Variants in NRG1 observed in about 807,000 individuals in gnomAD.
NRG1 encodes the protein pro-neuregulin-1, membrane-bound isoform.
A neutral mutation model predicts 63.8 loss-of-function variants in NRG1; 18 were observed. The observed-to-expected ratio is 0.28, with a 90% CI of 0.19 to 0.42. The LOEUF (loss-of-function observed/expected upper bound fraction) is 0.42. NRG1 is among the 10% of genes least tolerant of loss of function. The pLI, the probability that NRG1 is intolerant of heterozygous loss-of-function variation, is 1.00. For missense variants in NRG1, 762 were observed against 814.7 expected, an observed-to-expected ratio of 0.94 and a Z score of 0.79; for synonymous variants, 302 against 301.3, an observed-to-expected ratio of 1.00 and a Z score of -0.02.
chr8:31,841,612 T>C (rs1416654762), intron 1 of NRG1, among the ~76,000 whole-genome samples: 1 of 152,138 alleles, frequency 6.6e-6, no homozygotes, highest in Non-Finnish European at 1.5e-5. Context: ...CTATTATATA[T>C]GGCAATTTAT....
chr8:31,746,415 T>G (rs1396875182), intron 1 of NRG1, among the ~76,000 whole-genome samples: 1 of 152,050 alleles, frequency 6.6e-6, no homozygotes, highest in Non-Finnish European at 1.5e-5. Context: ...TTTTCATCAC[T>G]TCACACTTTT....
chr8:32,039,247 C>T (rs1404831752), intron 1 of NRG1, among the ~76,000 whole-genome samples: 1 of 152,190 alleles, frequency 6.6e-6, no homozygotes, highest in African/African-American at 2.4e-5. Flanking sequence ...TATTTGTTGA[C>T]ATATAGTATT....
upstream of NRG1, among the ~76,000 whole-genome samples, chr8:32,544,875 T>C (rs1205453977): frequency 2.0e-5 from 3 of 151,964 alleles, no homozygotes; most frequent in Admixed American, 2.0e-4. Flanking sequence ...TCATATACAT[T>C]TAGTGGTTGT....
intron 1 of NRG1, among the ~76,000 whole-genome samples, chr8:31,774,024 A>G (rs1818877820): frequency 6.6e-6 from 1 of 152,056 alleles, no homozygotes; most frequent in Non-Finnish European, 1.5e-5. Flanking sequence ...TAAAAAAAAA[A>G]AGAAAAAGAA....
intron 1 of NRG1, among the ~76,000 whole-genome samples, chr8:32,470,129 T>G (rs1311408904): frequency 6.8e-6 from 1 of 146,730 alleles, no homozygotes; most frequent in African/African-American, 2.5e-5. Context: ...CGCCTCGGCC[T>G]CCCGAAGTGC....
chr8:32,474,714 C>T (rs531981825), intron 1 of NRG1, among the ~76,000 whole-genome samples: 1 of 151,842 alleles, frequency 6.6e-6, no homozygotes, highest in Admixed American at 6.6e-5. Context: ...CCATGTTGGC[C>T]GGGATGGTCT....
chr8:32,157,780 T>C (rs1216187572), intron 1 of NRG1, among the ~76,000 whole-genome samples: 1 of 151,872 alleles, frequency 6.6e-6, no homozygotes, highest in Non-Finnish European at 1.5e-5. Flanking sequence ...GACAAACTTA[T>C]AATTGCTATA....
chr8:32,309,170 C>A (rs563071427), intron 1 of NRG1, among the ~76,000 whole-genome samples: 77 of 152,204 alleles, frequency 5.1e-4, no homozygotes, highest in South Asian at 4.1e-3. Context: ...TGTAGCACAC[C>A]ATAAAGATTC....
chr8:32,002,344 A>T (rs1813071119), intron 1 of NRG1, among the ~76,000 whole-genome samples: 3 of 151,982 alleles, frequency 2.0e-5, no homozygotes, highest in Admixed American at 1.3e-4. Flanking sequence ...TGTATGGCAG[A>T]TCTATTTCTT....
intron 1 of NRG1, among the ~76,000 whole-genome samples, chr8:32,403,038 C>A (rs1813425685): frequency 6.6e-6 from 1 of 151,990 alleles, no homozygotes; most frequent in Admixed American, 6.5e-5. Flanking sequence ...GTGGCTCACA[C>A]CTGTAATCCC....
rs540137459 is a variant in NRG1, at chr8:31,904,677, C to T, written c.37+265246C>T. ...TAAAGGAAATGCGGTACATATACAT[C>T]ATCAAATACTATGCAGTCATTAAAA... is the stretch of plus-strand genomic sequence containing the variant. On this transcript the variant is annotated intron_variant, in intron 1 of 10. Coordinates refer to the NRG1 transcript ENST00000519301. Among the ~76,000 whole-genome samples the T allele has an allele frequency of 2.6e-5, 4 of 152,274 alleles. No homozygotes were observed. The South Asian group carries it at 8.3e-4, about 32-fold the overall frequency.
At chr8:32,352,160 C>T (rs1270291158) in intron 1 of NRG1, among the ~76,000 whole-genome samples, 2 of 143,310 alleles carry the variant, frequency 1.4e-5, no homozygotes, top group South Asian at 2.2e-4. Flanking sequence ...TGCGGGATTA[C>T]GACAGTGAAC....
At chr8:32,068,827 T>G (rs1825298464) in intron 1 of NRG1, among the ~76,000 whole-genome samples, 1 of 152,214 alleles carries the variant, frequency 6.6e-6, no homozygotes, top group Non-Finnish European at 1.5e-5. Flanking sequence ...GCTACGTAAC[T>G]AAGTCTTAGT....
At chr8:32,437,225 G>A (rs546933980) in intron 1 of NRG1, among the ~76,000 whole-genome samples, 62 of 152,102 alleles carry the variant, frequency 4.1e-4, no homozygotes, top group Admixed American at 1.8e-3. Flanking sequence ...AGGTAGTCTT[G>A]AAAAACCCTC....
chr8:32,367,518 T>C (rs1808233467), intron 1 of NRG1, among the ~76,000 whole-genome samples: 1 of 152,168 alleles, frequency 6.6e-6, no homozygotes, highest in Non-Finnish European at 1.5e-5. Flanking sequence ...TTTGTTTTTT[T>C]GTTTTCGTTT....
At chr8:32,599,915 T>C (rs1844023110) in intron 2 of NRG1, among the ~76,000 whole-genome samples, 1 of 152,218 alleles carries the variant, frequency 6.6e-6, no homozygotes. Flanking sequence ...AATTATTTCC[T>C]CTATTTTTAC....
At chr8:32,027,644 G>A (rs1303527656) in intron 1 of NRG1, among the ~76,000 whole-genome samples, 2 of 151,994 alleles carry the variant, frequency 1.3e-5, no homozygotes, top group Non-Finnish European at 2.9e-5. Context: ...TATACAGTCT[G>A]AGAACTGAAT....
intron 5 of NRG1, among the ~76,000 whole-genome samples, chr8:32,701,232 TAATGATTCA>T (rs1814791704): frequency 6.6e-6 from 1 of 152,248 alleles, no homozygotes; most frequent in South Asian, 2.1e-4. Flanking sequence ...GTAAGTATAC[TAATGATTCA>T]ATATCTTTTT....
At chr8:32,719,681 T>A (rs1820135980) in intron 5 of NRG1, among the ~76,000 whole-genome samples, 1 of 152,140 alleles carries the variant, frequency 6.6e-6, no homozygotes, top group Non-Finnish European at 1.5e-5. Flanking sequence ...AATGCTATTT[T>A]AAGTGTTGAT....
Sources: gnomAD v4.1 joint callset for allele counts (sites outside exome capture counted in the v4.1 genomes callset) on GRCh38, gnomAD v4.1.1 for gene constraint, MANE v1.5 for transcripts, NCBI Gene and HGNC (gene_info 2026-07-23, HGNC 2026-07-21) for gene names.